Variants in CEP170 observed in about 807,000 individuals in gnomAD.
CEP170 encodes the protein centrosomal protein 170, also known as centrosomal protein of 170 kDa.
CEP170 carries 21 observed loss-of-function variants against 151.9 expected under a neutral mutation model. That is an observed-to-expected ratio of 0.14 (90% CI 0.10 to 0.20). The LOEUF (loss-of-function observed/expected upper bound fraction) is 0.20, where lower values mean the gene tolerates loss of function less well. Ranked by LOEUF, CEP170 falls within the 10% of genes least tolerant of loss-of-function variation. The probability of loss-of-function intolerance (pLI) is 1.00; values close to 1 mark genes in which losing one functional copy is unlikely to be tolerated. For missense variants in CEP170, 964 were observed against 1,892.9 expected, an observed-to-expected ratio of 0.51 and a Z score of 9.11; for synonymous variants, 356 against 648.8, an observed-to-expected ratio of 0.55 and a Z score of 6.86.
At chr1:243,157,308 G>A (rs1406441714) in intron 13 of CEP170, among the ~76,000 whole-genome samples, 1 of 152,120 alleles carries the variant, frequency 6.6e-6, no homozygotes, top group Non-Finnish European at 1.5e-5. Flanking sequence ...TAAAAAATCA[G>A]AAGACAAGGC....
At chr1:243,246,326 G>C (rs1228602018) in intron 1 of CEP170, among the ~76,000 whole-genome samples, 1 of 150,016 alleles carries the variant, frequency 6.7e-6, no homozygotes. Context: ...CTGCCTCCTG[G>C]ATTAAAGCGA....
intron 13 of CEP170, among the ~76,000 whole-genome samples, chr1:243,157,916 C>T (rs1233767154): frequency 6.6e-6 from 1 of 152,198 alleles, no homozygotes; most frequent in Non-Finnish European, 1.5e-5. Flanking sequence ...ACAGAATGAA[C>T]ATATGCAGAA....
chr1:243,192,311 A>G (rs1200580783), intron 7 of CEP170, among the ~76,000 whole-genome samples: 1 of 152,194 alleles, frequency 6.6e-6, no homozygotes, highest in Admixed American at 6.6e-5. Flanking sequence ...TGGCAGAAGG[A>G]GCAAGCAACT....
intron 2 of CEP170, among the ~76,000 whole-genome samples, chr1:243,222,127 T>C (rs2062873826): frequency 6.6e-6 from 1 of 152,176 alleles, no homozygotes; most frequent in South Asian, 2.1e-4. Context: ...TATAGAGAAA[T>C]CATGTGAATT....
intron 10 of CEP170, among the ~76,000 whole-genome samples, chr1:243,179,577 G>A (rs1040499342): frequency 6.6e-6 from 1 of 152,010 alleles, no homozygotes; most frequent in Non-Finnish European, 1.5e-5. Context: ...ACTAGTTTCA[G>A]CATATAAAAA....
rs542165490 is a variant in CEP170 at position 243,224,534 on chromosome 1, G to A, written c.105+642C>T. On this transcript the variant is annotated intron_variant, in intron 2 of 19. Coordinates refer to ENST00000366542, the MANE Select transcript of CEP170 (RefSeq NM_014812.3). ...TTTGTGCTGGGCCGCATTCAAAGCC[G>A]TCCTGGGCCTCAGGTTGGATGAACT... 1.4e-4 allele frequency among the ~76,000 whole-genome samples: 21 copies of A among 151,946 alleles called. No individual in the cohort carries two copies. In the South Asian group the frequency reaches 3.3e-3, roughly 24 times the overall value.
intron 13 of CEP170, among the ~76,000 whole-genome samples, chr1:243,158,943 T>C (rs2057806468): frequency 6.6e-6 from 1 of 151,966 alleles, no homozygotes; most frequent in Non-Finnish European, 1.5e-5. Flanking sequence ...AGGGCGCGCC[T>C]GTAATCCCAG....
At chr1:243,183,737 A>C (rs989785281) in intron 10 of CEP170, among the ~76,000 whole-genome samples, 1 of 152,076 alleles carries the variant, frequency 6.6e-6, no homozygotes, top group African/African-American at 2.4e-5. Context: ...AATGACTTTG[A>C]ACTATGTACA....
chr1:243,130,904 T>G (rs2054318655), intron 17 of CEP170, among the ~76,000 whole-genome samples: 1 of 151,860 alleles, frequency 6.6e-6, no homozygotes, highest in Non-Finnish European at 1.5e-5. Flanking sequence ...TAAATTATTA[T>G]GTTCTTGTAA....
intron 14 of CEP170, among the ~76,000 whole-genome samples, chr1:243,155,982 G>A (rs1373536992): frequency 6.6e-6 from 1 of 152,004 alleles, no homozygotes; most frequent in Non-Finnish European, 1.5e-5. Context: ...AAAAGGGAGG[G>A]GGGGAGACAG....
At chr1:243,248,029 T>A (rs568817852) in intron 1 of CEP170, among the ~76,000 whole-genome samples, 298 of 152,368 alleles carry the variant, frequency 2.0e-3, no homozygotes, top group Middle Eastern at 3.4e-3. Context: ...GCAGCTGCCA[T>A]ACTCATCCAC....
chr1:243,159,557 C>T lies in CEP170; in HGVS notation c.3677-3102G>A, dbSNP rs2789271. Among the ~76,000 whole-genome samples, 5 of 152,140 alleles carry T rather than the reference C, an allele frequency of 3.3e-5. No individual in the cohort carries two copies. In the East Asian group the frequency reaches 9.7e-4, roughly 29 times the overall value. ...CTTCAAGTTAAAATATTTTAAATTT[C>T]CCCCCATCTACTTATTTCATAAAAT... On this transcript the variant is annotated intron_variant, in intron 13 of 19. Coordinates refer to ENST00000366542, the MANE Select transcript of CEP170 (RefSeq NM_014812.3).
chr1:243,154,054 C>T (rs1459376992), intron 14 of CEP170, among the ~76,000 whole-genome samples: 1 of 152,236 alleles, frequency 6.6e-6, no homozygotes, highest in African/African-American at 2.4e-5. Flanking sequence ...ACCAAATATG[C>T]CATATCTCGC....
intron 11 of CEP170, among the ~76,000 whole-genome samples, chr1:243,170,389 GA>G (rs919876483): frequency 1.1e-4 from 16 of 144,720 alleles, no homozygotes; most frequent in Non-Finnish European, 1.7e-4. Flanking sequence ...GTCTCAAAAA[GA>G]AAAAAAAAAG....
At chr1:243,255,297 C>G (rs967949337), upstream of CEP170, 1 of 152,980 alleles carries the variant, frequency 6.5e-6, no homozygotes, top group South Asian at 2.1e-4. Flanking sequence ...GGAGCCGGAC[C>G]CTATCCCCTC....
At chr1:243,213,262 A>G (rs2061979646) in intron 3 of CEP170, among the ~76,000 whole-genome samples, 1 of 152,180 alleles carries the variant, frequency 6.6e-6, no homozygotes, top group Admixed American at 6.5e-5. Context: ...CTATTTCATC[A>G]TTCTTTAGTT....
chr1:243,224,246 A>C (rs943040917), intron 2 of CEP170, among the ~76,000 whole-genome samples: 1 of 152,196 alleles, frequency 6.6e-6, no homozygotes, highest in Non-Finnish European at 1.5e-5. Flanking sequence ...GGAAAACCTT[A>C]GCTGATCTGA....
intron 14 of CEP170, among the ~76,000 whole-genome samples, chr1:243,147,570 T>C (rs1443207770): frequency 1.3e-5 from 2 of 152,164 alleles, no homozygotes; most frequent in African/African-American, 2.4e-5. Context: ...AGGTAAAATA[T>C]TGTATAATGA....
intron 1 of CEP170, among the ~76,000 whole-genome samples, chr1:243,243,183 C>T (rs766514349): frequency 1.2e-4 from 19 of 152,164 alleles, no homozygotes; most frequent in Non-Finnish European, 4.4e-5. Context: ...ATGATCATGC[C>T]ACTGCACTCC....
Sources: gnomAD v4.1 joint callset for allele counts (sites outside exome capture counted in the v4.1 genomes callset) on GRCh38, gnomAD v4.1.1 for gene constraint, MANE v1.5 for transcripts, NCBI Gene and HGNC (gene_info 2026-07-23, HGNC 2026-07-21) for gene names.